PRRC2C: variants seen among roughly 807,000 people sequenced by gnomAD.
The protein encoded by PRRC2C is proline rich coiled-coil 2C, also known as protein PRRC2C.
Under a neutral mutation model 317.2 loss-of-function variants are expected in PRRC2C, and 72 were observed. The observed-to-expected ratio is 0.23, with a 90% CI of 0.19 to 0.28. The LOEUF (loss-of-function observed/expected upper bound fraction) is 0.28, where lower values mean the gene tolerates loss of function less well. PRRC2C is among the 10% of genes least tolerant of loss of function. The pLI is 1.00. For missense variants in PRRC2C, 3,074 were observed against 3,459.7 expected (o/e 0.89, Z 2.80); for synonymous variants, 1,296 against 1,205.9 (o/e 1.07, Z -1.55).
chr1:171,582,865 A>C (rs1648976732), intron 28 of PRRC2C, among the ~76,000 whole-genome samples: 1 of 151,714 alleles, frequency 6.6e-6, no homozygotes, highest in African/African-American at 2.4e-5. Context: ...GTTAAAAAAA[A>C]AAAAACAAAT....
At chr1:171,587,886 G>C in intron 32 of PRRC2C, 135 bp downstream of exon 32, 6 of 595,708 alleles carry the variant, frequency 1.0e-5, no homozygotes, top group Non-Finnish European at 1.7e-5. Flanking sequence ...TGATAGTTTT[G>C]TCTAAAATGT....
rs531571282 is a variant in PRRC2C at position 171,571,406 on chromosome 1, C to T, written c.6738C>T (p.Phe2246=). ...TAACTTCAGTTCCTCCCACTACTTTCAGCCTCACCTTCAAGGTATGTACAA... is the reference window on the plus strand; with the variant it reads ...TAACTTCAGTTCCTCCCACTACTTTTAGCCTCACCTTCAAGGTATGTACAA... ...SSLTSVPPTT[F]SLTFKMESAR... The change falls in exon 24 of 35, where the codon TTC becomes TTT. Residue 2246 remains phenylalanine, a synonymous_variant. Transcript: ENST00000647382. 1.0e-5 allele frequency: 16 copies of T among 1,600,626 alleles called. No homozygotes were observed. Among genetic ancestry groups the T allele is most frequent in the Non-Finnish European group, 1.4e-5 (16 of 1,167,816 alleles).
In PRRC2C at chr1:171,579,344, T is replaced by C. The variant is rs778600625; in HGVS notation, c.7160-10T>C. Reference sequence around the variant, plus strand: ...ACTTACTACTGCTTGTTTATCCTGATGGTCTACAGCTCAAATCCCAGCCTT... The same window carrying C: ...ACTTACTACTGCTTGTTTATCCTGACGGTCTACAGCTCAAATCCCAGCCTT... On this transcript the variant is annotated splice_polypyrimidine_tract_variant and intron_variant, in intron 26 of 34. Coordinates refer to ENST00000647382, the MANE Select transcript of PRRC2C (RefSeq NM_001387844.1). 10 of 1,609,750 alleles carry C rather than the reference T, an allele frequency of 6.2e-6. No homozygotes were observed. The African/African-American group carries it at 9.4e-5, about 15-fold the overall frequency.
intron 5 of PRRC2C, 63 bp from the exon 6 acceptor site, chr1:171,517,528 G>C: frequency 7.1e-7 from 1 of 1,414,330 alleles, no homozygotes; most frequent in Non-Finnish European, 9.8e-7. Context: ...AATACATTTT[G>C]GTTTCACTTT....
Position 171,591,665 on chromosome 1 carries a change from G to A in PRRC2C, c.8515G>A (p.Gly2839Ser). 2 of 1,613,914 alleles carry A rather than the reference G, an allele frequency of 1.2e-6. No homozygotes were observed. Among genetic ancestry groups the A allele is most frequent in the Non-Finnish European group, 1.7e-6 (2 of 1,179,860 alleles). Residue 2839 changes from glycine to serine, a missense_variant, in exon 35 of 35, where the codon GGC (glycine) becomes AGC (serine). Gly to Ser is a moderately conservative substitution (Grantham distance 56, BLOSUM62 0). This residue lies in a region of PRRC2C where 78 missense variants were observed against 97.7 expected (regional missense o/e 0.80). Transcript: ENST00000647382. ...GCAACAGAGCAAACAGATAGGAGGA[G>A]GCAAAGCCCAGAAAGTGGACAGTGA... ...EQQQSKQIGG[G>S]KAQKVDSDSS... is the part of the protein sequence containing the mutation.
Position 171,542,223 on chromosome 1 carries a change from A to C in PRRC2C, c.4757A>C (p.Lys1586Thr), listed in dbSNP as rs560792647. The C allele has an allele frequency of 6.5e-7, 1 of 1,540,026 alleles. No homozygotes were observed. The highest frequency in any genetic ancestry group is 2.2e-5 in the Admixed American group (1 of 45,140). Reference sequence around the variant, plus strand: ...AGTGGCCCACCATCAAAAAGTGGGAAGAGAGGGTGAGTACTTTGTTTTAAA... The same window carrying C: ...AGTGGCCCACCATCAAAAAGTGGGACGAGAGGGTGAGTACTTTGTTTTAAA... ...RRSGPPSKSG[K>T]RGPFDDQPAG... The change falls in exon 16 of 35, where the codon AAG (lysine) becomes ACG (threonine). Residue 1586 changes from lysine to threonine, a missense_variant. Around this residue, in one of 11 missense-constraint regions of PRRC2C, gnomAD observed 178 missense variants for 163.0 expected, o/e 1.09. Coordinates refer to ENST00000647382, the MANE Select transcript of PRRC2C (RefSeq NM_001387844.1).
chr1:171,568,444 CAG>C (rs1684087768), intron 23 of PRRC2C, 105 bp downstream of exon 23: 1 of 1,415,058 alleles, frequency 7.1e-7, no homozygotes, highest in Non-Finnish European at 9.3e-7. Flanking sequence ...ATATTTAACT[CAG>C]GGAAAGAGTT....
intron 23 of PRRC2C, among the ~76,000 whole-genome samples, chr1:171,570,877 G>A (rs1684668294): frequency 6.6e-6 from 1 of 152,058 alleles, no homozygotes; most frequent in Non-Finnish European, 1.5e-5. Context: ...TTATTCCTTA[G>A]AGCTTTGCTA....
At position 171,559,505 on chromosome 1, in the gene PRRC2C, G is replaced by GTTTTTTTTTTTTTTTTTTTTTTTTTTT. The variant is rs1236663155; in HGVS notation, c.6031+1365_6031+1366insTTTTTTTTTTTTTTTTTTTTTTTTTTT. ...ATCTGTTTACAAAATGGCATACCAAGTTTGTTTTTTTTTTTTTTTTTTTTT... is the reference window on the plus strand; with the variant it reads ...ATCTGTTTACAAAATGGCATACCAAGTTTTTTTTTTTTTTTTTTTTTTTTTTTTTTGTTTTTTTTTTTTTTTTTTTTT... On this transcript the variant is annotated intron_variant, in intron 19 of 34. Transcript: ENST00000647382. Among the ~76,000 whole-genome samples, 6 of 95,124 alleles carry GTTTTTTTTTTTTTTTTTTTTTTTTTTT rather than the reference G, an allele frequency of 6.3e-5. 3 individuals carry two copies. The highest frequency in any genetic ancestry group is 8.0e-5 in the African/African-American group (2 of 24,866). The allele number at this position is 95,124 out of a possible 152,430, so 62.4% of individuals were successfully genotyped here.
intron 7 of PRRC2C, 41 bp downstream of exon 7, chr1:171,522,300 C>A: frequency 1.5e-6 from 2 of 1,360,808 alleles, no homozygotes; most frequent in Non-Finnish European, 2.1e-6. Flanking sequence ...GGAATATATG[C>A]TTGTTAAGAT....
At chr1:171,546,656 G>A (rs376552454) in intron 17 of PRRC2C, among the ~76,000 whole-genome samples, 11 of 152,168 alleles carry the variant, frequency 7.2e-5, no homozygotes, top group African/African-American at 2.7e-4. Flanking sequence ...CTGGTGTACA[G>A]TGATGCAATC....
At chr1:171,495,182 C>T (rs958808297) in intron 1 of PRRC2C, among the ~76,000 whole-genome samples, 2 of 152,140 alleles carry the variant, frequency 1.3e-5, no homozygotes, top group Non-Finnish European at 2.9e-5. Flanking sequence ...CAAATCTGTG[C>T]ATTAGATTTC....
chr1:171,509,799 A>G (rs1373924630), intron 1 of PRRC2C: 1 of 149,368 alleles, frequency 6.7e-6, no homozygotes, highest in Non-Finnish European at 1.5e-5. Flanking sequence ...CTATTTCTAG[A>G]GAAACATGGT....
chr1:171,515,855 A>G lies in PRRC2C; in HGVS notation c.522A>G (p.Pro174=). 1 of 1,591,496 alleles carries G rather than the reference A, an allele frequency of 6.3e-7. No homozygotes were observed. The highest frequency in any genetic ancestry group is 8.5e-7 in the Non-Finnish European group (1 of 1,171,744). Residue 174 remains proline (P), a synonymous_variant, in exon 5 of 35, where the codon CCA becomes CCG. Coordinates refer to ENST00000647382, the MANE Select transcript of PRRC2C (RefSeq NM_001387844.1). ...ATGGACCTGGACCCAGTTTACGTCC[A>G]CCAAGTAAGAGTACTTTCTCTTTAA... ...DNYGPGPSLR[P]PNVACWRDGG...
chr1:171,566,529 G>A lies in PRRC2C; in HGVS notation c.6307-63G>A. 4.0e-6 allele frequency: 6 copies of A among 1,487,472 alleles called. No individual in the cohort carries two copies. In the South Asian group the frequency reaches 6.8e-5, roughly 17 times the overall value. The allele number at this position is 1,487,472 out of a possible 1,614,324, so 92.1% of individuals were successfully genotyped here. The stretch of plus-strand genomic sequence containing the variant: ...ATTTTAATGAATATCTTTGATCATG[G>A]TGCAATGATGAAAGATACTCATCTA... On this transcript the variant is annotated intron_variant, in intron 21 of 34. Coordinates refer to ENST00000647382, the MANE Select transcript of PRRC2C (RefSeq NM_001387844.1).
chr1:171,568,968 G>C (rs1410129140), intron 23 of PRRC2C, among the ~76,000 whole-genome samples: 2 of 152,132 alleles, frequency 1.3e-5, no homozygotes, highest in South Asian at 2.1e-4. Flanking sequence ...ATAATTCAAG[G>C]TTGTGTTAAA....
chr1:171,508,205 A>G (rs534875884), intron 1 of PRRC2C, among the ~76,000 whole-genome samples: 305 of 152,296 alleles, frequency 2.0e-3, no homozygotes, highest in African/African-American at 6.0e-3. Context: ...AAAAGTGGAC[A>G]TTCTAGCTGT....
chr1:171,546,363 G>A (rs763971505), intron 17 of PRRC2C, among the ~76,000 whole-genome samples: 4 of 152,246 alleles, frequency 2.6e-5, no homozygotes, highest in Non-Finnish European at 4.4e-5. Flanking sequence ...AGACCAGATA[G>A]CTCAATAGTG....
Position 171,542,135 on chromosome 1 carries a change from C to T in PRRC2C, c.4669C>T (p.Arg1557Cys), listed in dbSNP as rs777559072. ...GAGACCAGTAGATCGTCAGAATCGA[C>T]GTGGCAACAATGGTCCACCCAAATC... Reference protein sequence around the residue: ...SQRPVDRQNRRGNNGPPKSGR... With the variant: ...SQRPVDRQNRCGNNGPPKSGR... Residue 1557 changes from arginine (R) to cysteine (C), a missense_variant, in exon 16 of 35, where the codon CGT (arginine) becomes TGT (cysteine). By Grantham distance (180) the Arg-to-Cys change is radical (BLOSUM62 -3). This residue lies in a region of PRRC2C where 178 missense variants were observed against 163.0 expected (regional missense o/e 1.09). Coordinates refer to ENST00000647382, the MANE Select transcript of PRRC2C (RefSeq NM_001387844.1). 2.2e-5 allele frequency: 36 copies of T among 1,612,628 alleles called. No individual in the cohort carries two copies. Among genetic ancestry groups the T allele is most frequent in the African/African-American group, 2.7e-5 (2 of 74,882 alleles).
Sources: allele counts gnomAD v4.1 joint callset (sites outside exome capture counted in the v4.1 genomes callset), GRCh38; gene constraint gnomAD v4.1.1; regional missense constraint gnomAD v4.1.1; transcripts MANE v1.5; gene names NCBI Gene and HGNC (gene_info 2026-07-23, HGNC 2026-07-21).